Variants in NKAIN2 observed in about 807,000 individuals in gnomAD.
NKAIN2 encodes sodium/potassium transporting ATPase interacting 2.
Under a neutral mutation model 32.6 loss-of-function variants are expected in NKAIN2, and 14 were observed. The ratio of observed to expected loss-of-function variants is 0.43; its 90% CI spans 0.28 to 0.67. NKAIN2 has a LOEUF of 0.67. Ranked by LOEUF, NKAIN2 falls within the 30% of genes least tolerant of loss-of-function variation. NKAIN2 has a pLI of 0.17. For synonymous variants in NKAIN2, 80 were observed against 87.2 expected (o/e 0.92, Z 0.46); for missense variants, 198 against 258.3 (o/e 0.77, Z 1.60).
intron 5 of NKAIN2, among the ~76,000 whole-genome samples, chr6:124,794,033 T>C (rs1336286994): frequency 6.6e-6 from 1 of 152,122 alleles, no homozygotes; most frequent in African/African-American, 2.4e-5. Context: ...CTTATTAGGA[T>C]AGGTTAGCTA....
intron 4 of NKAIN2, among the ~76,000 whole-genome samples, chr6:124,741,856 A>T (rs1371711313): frequency 6.6e-6 from 1 of 151,912 alleles, no homozygotes; most frequent in Non-Finnish European, 1.5e-5. Context: ...ATAAATATAA[A>T]TGCTTTATAA....
intron 1 of NKAIN2, among the ~76,000 whole-genome samples, chr6:124,214,079 A>G (rs755202216): frequency 3.9e-5 from 6 of 152,298 alleles, no homozygotes; most frequent in Admixed American, 6.5e-5. Flanking sequence ...GTATACTTCA[A>G]TGTAGACAAT....
At chr6:124,094,854 A>G (rs757233016) in intron 1 of NKAIN2, among the ~76,000 whole-genome samples, 9 of 152,060 alleles carry the variant, frequency 5.9e-5, no homozygotes, top group African/African-American at 9.7e-5. Flanking sequence ...TTCATAACTT[A>G]TAAAATTATG....
intron 3 of NKAIN2, among the ~76,000 whole-genome samples, chr6:124,516,238 G>T (rs1443526071): frequency 1.3e-5 from 2 of 152,120 alleles, no homozygotes; most frequent in African/African-American, 4.8e-5. Context: ...GAAATTGATA[G>T]TGCAGGGCTA....
At chr6:124,594,014 G>T (rs1039039932) in intron 3 of NKAIN2, among the ~76,000 whole-genome samples, 2 of 152,150 alleles carry the variant, frequency 1.3e-5, no homozygotes, top group Non-Finnish European at 2.9e-5. Context: ...TCTTTTATTT[G>T]CAGAGGCACT....
chr6:124,348,765 C>T (rs1345961910), intron 2 of NKAIN2, among the ~76,000 whole-genome samples: 1 of 152,216 alleles, frequency 6.6e-6, no homozygotes, highest in Non-Finnish European at 1.5e-5. Context: ...GGGTGCAGTG[C>T]ACCTTGCATG....
At chr6:124,710,562 T>A (rs1775390100) in intron 4 of NKAIN2, among the ~76,000 whole-genome samples, 1 of 152,130 alleles carries the variant, frequency 6.6e-6, no homozygotes, top group Admixed American at 6.5e-5. Flanking sequence ...TCTTGTTGAA[T>A]TGATCCCTTT....
intron 3 of NKAIN2, among the ~76,000 whole-genome samples, chr6:124,467,104 A>C (rs1349572355): frequency 6.6e-6 from 1 of 152,130 alleles, no homozygotes; most frequent in African/African-American, 2.4e-5. Flanking sequence ...GCAATACTTC[A>C]TACATGAGTC....
At chr6:124,599,569 A>G (rs145571011) in intron 3 of NKAIN2, among the ~76,000 whole-genome samples, 1 of 152,250 alleles carries the variant, frequency 6.6e-6, no homozygotes, top group African/African-American at 2.4e-5. Flanking sequence ...TACCCTGAGT[A>G]CCCTTCAAAA....
intron 3 of NKAIN2, among the ~76,000 whole-genome samples, chr6:124,449,653 C>G (rs1776023025): frequency 6.6e-6 from 1 of 152,056 alleles, no homozygotes; most frequent in African/African-American, 2.4e-5. Context: ...CGTGCATACA[C>G]ACACATACAC....
intron 1 of NKAIN2, among the ~76,000 whole-genome samples, chr6:124,166,829 G>T (rs1422341913): frequency 1.4e-4 from 20 of 147,004 alleles, no homozygotes; most frequent in Non-Finnish European, 2.7e-4. Flanking sequence ...GATAGTTGTA[G>T]ATATGCGGCG....
intron 2 of NKAIN2, among the ~76,000 whole-genome samples, chr6:124,312,491 A>G (rs1406903490): frequency 6.6e-6 from 1 of 152,186 alleles, no homozygotes; most frequent in African/African-American, 2.4e-5. Flanking sequence ...GTTCAGGGAA[A>G]TACTTACATT....
rs909122865 is a variant in NKAIN2 at position 123,953,836 on chromosome 6, A to G, written c.54+149582A>G. 2.6e-5 allele frequency among the ~76,000 whole-genome samples: 4 copies of G among 152,170 alleles called. No homozygotes were observed. In the South Asian group the frequency reaches 6.2e-4, roughly 24 times the overall value. ...AGGTAGGAGCAGCAGCGACTGCACTACATTCTTGCTACTGAGGAGGGCAGG... is the reference window on the plus strand; with the variant it reads ...AGGTAGGAGCAGCAGCGACTGCACTGCATTCTTGCTACTGAGGAGGGCAGG... On this transcript the variant is annotated intron_variant, in intron 1 of 6. Coordinates refer to ENST00000368417, the MANE Select transcript of NKAIN2 (RefSeq NM_001040214.3).
chr6:123,898,680 T>C (rs1328771508), intron 1 of NKAIN2, among the ~76,000 whole-genome samples: 1 of 152,182 alleles, frequency 6.6e-6, no homozygotes, highest in Non-Finnish European at 1.5e-5. Context: ...TCTATTAATT[T>C]CCAGCCCTTA....
At chr6:124,253,894 A>C (rs144405402) in intron 1 of NKAIN2, among the ~76,000 whole-genome samples, 330 of 146,936 alleles carry the variant, frequency 2.2e-3, no homozygotes, top group African/African-American at 7.9e-3. Flanking sequence ...GTGTAGTTGC[A>C]TAAACCTCCA....
intron 2 of NKAIN2, among the ~76,000 whole-genome samples, chr6:124,312,390 T>A (rs1299658887): frequency 6.6e-6 from 1 of 152,210 alleles, no homozygotes; most frequent in Non-Finnish European, 1.5e-5. Flanking sequence ...CAGACACCAG[T>A]TGCATGTCCA....
intron 1 of NKAIN2, among the ~76,000 whole-genome samples, chr6:124,172,947 A>T (rs1202293462): frequency 6.6e-6 from 1 of 152,150 alleles, no homozygotes; most frequent in South Asian, 2.1e-4. Flanking sequence ...CTTCTTCTAC[A>T]CATGCCTTTG....
At chr6:124,082,932 A>G (rs1445372801) in intron 1 of NKAIN2, among the ~76,000 whole-genome samples, 1 of 152,010 alleles carries the variant, frequency 6.6e-6, no homozygotes, top group Non-Finnish European at 1.5e-5. Flanking sequence ...ATTAATATTT[A>G]GCATCTATTA....
At chr6:124,047,871 G>A (rs1582531707) in intron 1 of NKAIN2, among the ~76,000 whole-genome samples, 1 of 151,966 alleles carries the variant, frequency 6.6e-6, no homozygotes, top group East Asian at 1.9e-4. Context: ...AGGAAGGTGT[G>A]TTATTTCTCA....
Sources: gnomAD v4.1 joint callset for allele counts (sites outside exome capture counted in the v4.1 genomes callset) on GRCh38, gnomAD v4.1.1 for gene constraint, MANE v1.5 for transcripts, NCBI Gene and HGNC (gene_info 2026-07-23, HGNC 2026-07-21) for gene names.